The following ARFGEF2 variants were observed in gnomAD, a reference collection of about 807,000 sequenced individuals.
The protein encoded by ARFGEF2 is brefeldin A-inhibited guanine nucleotide-exchange protein 2.
In ARFGEF2, 74 loss-of-function variants were observed where a neutral mutation model predicts 219.9. The ratio of observed to expected loss-of-function variants is 0.34; its 90% CI spans 0.28 to 0.41. The LOEUF (loss-of-function observed/expected upper bound fraction) is 0.41, where lower values mean the gene tolerates loss of function less well. Among genes scored for constraint, ARFGEF2 ranks in the 10% least tolerant of loss-of-function variants. The pLI, the probability that ARFGEF2 is intolerant of heterozygous loss-of-function variation, is 1.00. For missense variants in ARFGEF2, 1,743 were observed against 2,218.3 expected (o/e 0.79, Z 4.30); for synonymous variants, 733 against 799.2 (o/e 0.92, Z 1.40).
chr20:48,966,695 A>G (rs747039420), intron 8 of ARFGEF2, among the ~76,000 whole-genome samples: 27 of 152,132 alleles, frequency 1.8e-4, no homozygotes, highest in Admixed American at 3.3e-4. Context: ...GTGTTTCTCA[A>G]TCTTTTTCAT....
At chr20:49,017,463 T>C (rs779654420) in intron 32 of ARFGEF2, 33 bp from the exon 33 acceptor site, 6 of 1,602,010 alleles carry the variant, frequency 3.7e-6, no homozygotes, top group South Asian at 1.1e-5. Context: ...GCCTTTCACA[T>C]TGATTATTTT....
chr20:48,976,132 C>G lies in ARFGEF2; in HGVS notation c.1891C>G (p.Gln631Glu). Residue 631 changes from glutamine (Q) to glutamate (E), a missense_variant, in exon 14 of 39, where the codon CAG becomes GAG. Gln to Glu is a conservative substitution (Grantham distance 29). Coordinates refer to ENST00000371917, the MANE Select transcript of ARFGEF2 (RefSeq NM_006420.3). ...TVSSGTQTTVQDDPEQFEVIK... is the reference protein window; with the variant it reads ...TVSSGTQTTVEDDPEQFEVIK... The stretch of plus-strand genomic sequence containing the variant: ...GTCCTCGGGGACCCAGACAACTGTT[C>G]AGGATGACCCTGAGCAATTTGAGGT... 2 of 1,613,894 alleles carry G rather than the reference C, an allele frequency of 1.2e-6. No homozygotes were observed. Among genetic ancestry groups the G allele is most frequent in the Non-Finnish European group, 1.7e-6 (2 of 1,180,030 alleles).
chr20:48,925,289 C>T (rs2090869828), intron 1 of ARFGEF2, among the ~76,000 whole-genome samples: 1 of 152,184 alleles, frequency 6.6e-6, no homozygotes. Flanking sequence ...TCAAGACAGC[C>T]TGTGAGAGTA....
chr20:49,023,186 G>T lies in ARFGEF2; in HGVS notation c.4755+5G>T. The T allele has an allele frequency of 1.2e-6, 2 of 1,614,124 alleles. No homozygotes were observed. On this transcript the variant is annotated splice_donor_5th_base_variant and intron_variant, in intron 35 of 38. Coordinates refer to ENST00000371917, the MANE Select transcript of ARFGEF2 (RefSeq NM_006420.3). ...GAGCACATGGTTGCCGCCCAGGTAA[G>T]AACAGGAGGCCTCAGGAAGAGCATC...
rs1461660582 is a variant in ARFGEF2 at position 48,996,455 on chromosome 20, C to A, written c.3221+573C>A. Among the ~76,000 whole-genome samples the A allele has an allele frequency of 1.1e-4, 14 of 127,018 alleles. 1 individual carries two copies. Among genetic ancestry groups the A allele is most frequent in the South Asian group, 1.0e-3 (4 of 3,916 alleles). 83.3% of individuals were successfully genotyped at this position (127,018 alleles called of 152,430 possible). A position where few individuals can be genotyped will look rare whatever the true frequency, so the allele number is the denominator to read the frequency against. ...AGGCGACAGAGTGAGACTCCATCTGCAAAAAAAAAACGCCTACCCATGCTC... is the reference window on the plus strand; with the variant it reads ...AGGCGACAGAGTGAGACTCCATCTGAAAAAAAAAAACGCCTACCCATGCTC... On this transcript the variant is annotated intron_variant, in intron 23 of 38. Coordinates refer to ENST00000371917, the MANE Select transcript of ARFGEF2 (RefSeq NM_006420.3).
chr20:48,974,004 G>A (rs1223652341), intron 12 of ARFGEF2, among the ~76,000 whole-genome samples: 1 of 151,638 alleles, frequency 6.6e-6, no homozygotes, highest in Non-Finnish European at 1.5e-5. Context: ...GAATGCATTT[G>A]TGGGTATTTA....
intron 3 of ARFGEF2, among the ~76,000 whole-genome samples, chr20:48,945,087 TTTC>T (rs2123327995): frequency 6.6e-6 from 1 of 152,172 alleles, no homozygotes; most frequent in Admixed American, 6.5e-5. Flanking sequence ...AGGTTTCTGG[TTTC>T]TTCTTAGAGG....
At chr20:48,992,599 T>A (rs1357873765) in intron 21 of ARFGEF2, among the ~76,000 whole-genome samples, 3 of 152,162 alleles carry the variant, frequency 2.0e-5, no homozygotes, top group Non-Finnish European at 4.4e-5. Context: ...CACAGGGTGG[T>A]TATGAAAATG....
chr20:49,022,432 A>AACAAC (rs1568742801), intron 34 of ARFGEF2, among the ~76,000 whole-genome samples: 2,429 of 122,486 alleles, frequency 0.02, 91 homozygotes, highest in African/African-American at 0.064. Context: ...ACAACAACAA[A>AACAAC]AAAAAAAAAC....
intron 31 of ARFGEF2, 140 bp from the exon 32 acceptor site, chr20:49,017,109 G>C: frequency 1.2e-6 from 1 of 801,106 alleles, no homozygotes; most frequent in Non-Finnish European, 2.0e-6. Flanking sequence ...TTTTAATACT[G>C]TCTGTAGCAT....
chr20:48,960,944 G>A (rs2091145635), intron 6 of ARFGEF2, among the ~76,000 whole-genome samples: 1 of 151,382 alleles, frequency 6.6e-6, no homozygotes, highest in Non-Finnish European at 1.5e-5. Context: ...GCTGGGCATG[G>A]TGGTGCACAC....
intron 25 of ARFGEF2, among the ~76,000 whole-genome samples, chr20:48,998,991 A>G (rs2091408369): frequency 6.6e-6 from 1 of 152,212 alleles, no homozygotes; most frequent in African/African-American, 2.4e-5. Flanking sequence ...TAATCCCAGC[A>G]CTTCGAGAGG....
chr20:49,018,301 C>T (rs1377432153), intron 33 of ARFGEF2, among the ~76,000 whole-genome samples: 2 of 152,098 alleles, frequency 1.3e-5, no homozygotes, highest in Non-Finnish European at 2.9e-5. Flanking sequence ...AGTGCGATCT[C>T]GGCTCACTGC....
chr20:49,000,989 AT>A (rs1486651091), intron 25 of ARFGEF2, among the ~76,000 whole-genome samples: 2 of 151,198 alleles, frequency 1.3e-5, no homozygotes, highest in African/African-American at 4.9e-5. Flanking sequence ...CATCAACTTC[AT>A]TACAAATGTC....
chr20:48,974,794 A>C lies in ARFGEF2; in HGVS notation c.1694A>C (p.Glu565Ala), dbSNP rs1322367764. 1 of 1,613,760 alleles carries C rather than the reference A, an allele frequency of 6.2e-7. No individual in the cohort carries two copies. The highest frequency in any genetic ancestry group is 2.2e-5 in the East Asian group (1 of 44,884). ...QELSLRKKGL[E>A]CLVSILKCMV... ...CTCAGCCTGAGGAAGAAAGGCCTGG[A>C]GTGCCTCGTGTCCATTCTCAAGTGC... is the stretch of plus-strand genomic sequence containing the variant. Residue 565 changes from glutamate to alanine, a missense_variant, in exon 13 of 39, where the codon GAG (glutamate) becomes GCG (alanine). Physicochemically the swap from Glu to Ala is moderately radical, Grantham distance 107. Coordinates refer to ENST00000371917, the MANE Select transcript of ARFGEF2 (RefSeq NM_006420.3).
intron 1 of ARFGEF2, among the ~76,000 whole-genome samples, chr20:48,936,240 C>T (rs1426430953): frequency 3.0e-5 from 4 of 134,086 alleles, no homozygotes; most frequent in Admixed American, 7.4e-5. Context: ...GGCGGCTGGC[C>T]GGGCGGGGGG....
chr20:48,942,089 C>A, intron 3 of ARFGEF2, 102 bp downstream of exon 3: 1 of 1,458,548 alleles, frequency 6.9e-7, no homozygotes, highest in Non-Finnish European at 9.5e-7. Flanking sequence ...TCAGTGCTGT[C>A]AGAGGCGATG....
At position 49,023,179 on chromosome 20, in the gene ARFGEF2, C is replaced by T. The variant is rs1279054035; in HGVS notation, c.4753C>T (p.Gln1585Ter). ...GGATGCAGAGCACATGGTTGCCGCC[C>T]AGGTAAGAACAGGAGGCCTCAGGAA... ...KEDAEHMVAA[Q>*]QDTLDADIHI... is the part of the protein sequence containing the mutation. Residue 1585 changes from glutamine (Q) to a stop codon, truncating the protein, a stop_gained and splice_region_variant, in exon 35 of 39, where the codon CAG becomes TAG. Transcript: ENST00000371917. LOFTEE classifies it high-confidence loss of function. 6.2e-7 allele frequency: 1 copy of T among 1,614,082 alleles called. No individual in the cohort carries two copies. Among genetic ancestry groups the T allele is most frequent in the South Asian group, 1.1e-5 (1 of 91,072 alleles).
At chr20:48,978,129 T>C (rs895923658) in intron 14 of ARFGEF2, among the ~76,000 whole-genome samples, 3 of 152,256 alleles carry the variant, frequency 2.0e-5, no homozygotes, top group Admixed American at 1.3e-4. Context: ...TTTAAGTCTT[T>C]AATCCATCTT....
Sources: gnomAD v4.1 joint callset for allele counts (sites outside exome capture counted in the v4.1 genomes callset) on GRCh38, gnomAD v4.1.1 for gene constraint, MANE v1.5 for transcripts, NCBI Gene and HGNC (gene_info 2026-07-23, HGNC 2026-07-21) for gene names.